Variants in MYL10 observed in about 807,000 individuals in gnomAD.
MYL10 encodes the protein myosin regulatory light chain 10.
In MYL10, 18 loss-of-function variants were observed where a neutral mutation model predicts 21.9. The observed-to-expected ratio is 0.82, with a 90% CI of 0.57 to 1.22. The LOEUF (loss-of-function observed/expected upper bound fraction) is 1.22. MYL10 is among the 50% of genes most tolerant of loss of function. The pLI, the probability that MYL10 is intolerant of heterozygous loss-of-function variation, is 0.00. For synonymous variants in MYL10, 88 were observed against 82.8 expected (o/e 1.06, Z -0.34); for missense variants, 225 against 230.4 (o/e 0.98, Z 0.15).
chr7:101,621,445 C>T (rs1210890126), intron 5 of MYL10, among the ~76,000 whole-genome samples: 1 of 152,108 alleles, frequency 6.6e-6, no homozygotes, highest in Admixed American at 6.5e-5. Context: ...TGGAAACACC[C>T]TCCCTCCGGC....
In MYL10 at chr7:101,616,294, C is replaced by A; in HGVS notation, c.459G>T (p.Thr153=). 6.2e-7 allele frequency: 1 copy of A among 1,613,818 alleles called. No individual in the cohort carries two copies. Among genetic ancestry groups the A allele is most frequent in the South Asian group, 1.1e-5 (1 of 91,060 alleles). The change falls in exon 6 of 8, where the codon ACG becomes ACT. Residue 153 remains threonine, a synonymous_variant. Coordinates refer to ENST00000223167, the MANE Select transcript of MYL10 (RefSeq NM_138403.5). ...LTMFGEKLKG[T]DPEETILHAF... is the part of the protein sequence containing the mutation. The stretch of plus-strand genomic sequence containing the variant: ...CGTGGAGAATGGTCTCCTCTGGGTC[C>A]GTGCCTATAAGCAGCACATACAGGG...
chr7:101,622,001 C>G, intron 5 of MYL10, 95 bp downstream of exon 5: 1 of 947,030 alleles, frequency 1.1e-6, no homozygotes, highest in Non-Finnish European at 1.7e-6. Flanking sequence ...CATGCTCCCA[C>G]CTGTGGTGTG....
chr7:101,614,587 G>A (rs376681250), intron 6 of MYL10, among the ~76,000 whole-genome samples: 3 of 152,268 alleles, frequency 2.0e-5, no homozygotes, highest in East Asian at 3.9e-4. Context: ...GTAGAGGGAG[G>A]GCTTGGGGTT....
At chr7:101,626,486 G>A (rs1045075994) in intron 1 of MYL10, among the ~76,000 whole-genome samples, 2 of 152,200 alleles carry the variant, frequency 1.3e-5, no homozygotes, top group Non-Finnish European at 2.9e-5. Flanking sequence ...GCTCTGTGCC[G>A]AGAGGGACTA....
chr7:101,628,955 T>C (rs748803977), intron 1 of MYL10, 86 bp downstream of exon 1: 4 of 430,222 alleles, frequency 9.3e-6, no homozygotes, highest in Non-Finnish European at 1.4e-5. Context: ...ATTTTCCAGA[T>C]GAGGAAACTG....
rs374800505 is a variant in MYL10, at chr7:101,622,079, C to T, written c.454+17G>A. 1.9e-6 allele frequency: 3 copies of T among 1,606,396 alleles called. No individual in the cohort carries two copies. Among genetic ancestry groups the T allele is most frequent in the South Asian group, 2.2e-5 (2 of 90,888 alleles). ...CATTCCCTGCTGCCCCTCCAGGACT[C>T]CAGGAGCCTGGCTCACCCTTCAGCT... On this transcript the variant is annotated intron_variant, in intron 5 of 7. Transcript: ENST00000223167.
chr7:101,614,074 C>T (rs1376245665), intron 6 of MYL10, among the ~76,000 whole-genome samples: 1 of 152,220 alleles, frequency 6.6e-6, no homozygotes, highest in Non-Finnish European at 1.5e-5. Flanking sequence ...TGGACACACT[C>T]TTTCCTCCAG....
intron 5 of MYL10, among the ~76,000 whole-genome samples, chr7:101,617,599 C>T (rs1408334387): frequency 3.9e-5 from 6 of 152,188 alleles, no homozygotes; most frequent in Admixed American, 2.6e-4. Flanking sequence ...TTTGTTCCTC[C>T]ACCATCATAC....
chr7:101,626,536 CAGATTGATACCCCGCAGGG>C (rs1209616673), intron 1 of MYL10, among the ~76,000 whole-genome samples: 2 of 152,214 alleles, frequency 1.3e-5, no homozygotes, highest in Non-Finnish European at 2.9e-5. Context: ...GAGGGACAGC[CAGATTGATACCCCGCAGGG>C]AGTCCCCAGG....
chr7:101,620,585 C>G (rs1395875916), intron 5 of MYL10, among the ~76,000 whole-genome samples: 2 of 152,116 alleles, frequency 1.3e-5, no homozygotes, highest in African/African-American at 4.8e-5. Flanking sequence ...GCCCATTTTA[C>G]AGACCAAAAA....
intron 3 of MYL10, among the ~76,000 whole-genome samples, chr7:101,623,684 G>T: frequency 9.3e-6 from 1 of 108,002 alleles, no homozygotes; most frequent in Non-Finnish European, 1.7e-5. Flanking sequence ...AACAGAGCAA[G>T]ACCCTGTCTC....
chr7:101,621,573 G>A (rs570669262), intron 5 of MYL10, among the ~76,000 whole-genome samples: 24 of 144,826 alleles, frequency 1.7e-4, no homozygotes, highest in Non-Finnish European at 2.9e-4. Context: ...GGGGTTAAAG[G>A]CAGTGTTTAG....
At chr7:101,622,910 C>G in intron 4 of MYL10, 87 bp downstream of exon 4, 1 of 1,248,434 alleles carries the variant, frequency 8.0e-7, no homozygotes, top group Non-Finnish European at 1.1e-6. Context: ...CTCTCACGCT[C>G]ACCGCGAGCC....
chr7:101,620,914 G>A (rs528548745), intron 5 of MYL10, among the ~76,000 whole-genome samples: 22 of 150,658 alleles, frequency 1.5e-4, no homozygotes, highest in African/African-American at 3.9e-4. Flanking sequence ...TCAGCCTCCC[G>A]AGCAGCTGGG....
rs573241726 is a variant in MYL10, at chr7:101,626,741, G to A, written c.78+2300C>T. Among the ~76,000 whole-genome samples, 31 of 152,248 alleles carry A rather than the reference G, an allele frequency of 2.0e-4. No individual in the cohort carries two copies. The East Asian group carries it at 3.5e-3, about 17-fold the overall frequency. On this transcript the variant is annotated intron_variant, in intron 1 of 7. Transcript: ENST00000223167. Reference sequence around the variant, plus strand: ...GAAGCCCCCAGGCCCTGCCCACCTCGTCTCTCTCCACCCTCCTCTTCCTCA... The same window carrying A: ...GAAGCCCCCAGGCCCTGCCCACCTCATCTCTCTCCACCCTCCTCTTCCTCA...
Position 101,613,434 on chromosome 7 carries a change from A to G in MYL10, c.*41T>C. On this transcript the variant is annotated 3_prime_UTR_variant, in exon 8 of 8. Transcript: ENST00000223167. ...AGAGCTCCCTGTCACACCCCACAAC[A>G]GTGTTTGCTGCCCCTGAATGTCGGG... 6.5e-7 allele frequency: 1 copy of G among 1,550,054 alleles called. No individual in the cohort carries two copies. The highest frequency in any genetic ancestry group is 1.1e-5 in the South Asian group (1 of 89,916).
chr7:101,616,086 G>A (rs886231866), intron 6 of MYL10, 134 bp downstream of exon 6: 17 of 668,786 alleles, frequency 2.5e-5, no homozygotes, highest in African/African-American at 3.5e-5. Flanking sequence ...GACATCAAGC[G>A]ATATCACTGG....
intron 6 of MYL10, among the ~76,000 whole-genome samples, chr7:101,615,209 G>T (rs568840746): frequency 7.4e-4 from 113 of 152,232 alleles, no homozygotes; most frequent in African/African-American, 2.6e-3. Flanking sequence ...CCGAGGCGGT[G>T]CTGGCTACGA....
In MYL10 at chr7:101,629,174, T is replaced by C. The variant is rs1278147832; in HGVS notation, c.-56A>G. Reference sequence around the variant, plus strand: ...TTTTAATTAAAAAATTAGTCAGGCATAGTGGTGAAGTGAAAAAGTTCCCTT... The same window carrying C: ...TTTTAATTAAAAAATTAGTCAGGCACAGTGGTGAAGTGAAAAAGTTCCCTT... On this transcript the variant is annotated 5_prime_UTR_variant, in exon 1 of 8. It removes an upstream start codon present in the reference 5' UTR. Coordinates refer to ENST00000223167, the MANE Select transcript of MYL10 (RefSeq NM_138403.5). 1 of 332,332 alleles carries C rather than the reference T, an allele frequency of 3.0e-6. No individual in the cohort carries two copies. Among genetic ancestry groups the C allele is most frequent in the Non-Finnish European group, 5.9e-6 (1 of 169,690 alleles). The allele number at this position is 332,332 out of a possible 1,614,324, so 20.6% of individuals were successfully genotyped here. A position where few individuals can be genotyped will look rare whatever the true frequency, so the allele number is the denominator to read the frequency against.
Sources: allele counts gnomAD v4.1 joint callset (sites outside exome capture counted in the v4.1 genomes callset), GRCh38; gene constraint gnomAD v4.1.1; transcripts MANE v1.5; gene names NCBI Gene and HGNC (gene_info 2026-07-23, HGNC 2026-07-21).